Variants in DPYD observed in about 807,000 individuals in gnomAD.
DPYD encodes dihydropyrimidine dehydrogenase, also known as dihydropyrimidine dehydrogenase [NADP(+)].
DPYD carries 109 observed loss-of-function variants against 116.2 expected under a neutral mutation model. The ratio of observed to expected loss-of-function variants is 0.94; its 90% CI spans 0.80 to 1.10. The LOEUF is 1.10. DPYD is among the 50% of genes least tolerant of loss of function. The probability of loss-of-function intolerance (pLI) is 0.00; values close to 1 mark genes in which losing one functional copy is unlikely to be tolerated. For synonymous variants in DPYD, 440 were observed against 432.0 expected, an observed-to-expected ratio of 1.02 and a Z score of -0.23; for missense variants, 1,302 against 1,254.5, an observed-to-expected ratio of 1.04 and a Z score of -0.57.
intron 1 of DPYD, among the ~76,000 whole-genome samples, chr1:97,907,767 T>A (rs933373278): frequency 1.3e-5 from 2 of 151,906 alleles, no homozygotes; most frequent in African/African-American, 4.8e-5. Context: ...ATATCCCAGC[T>A]CCTTTGCAGT....
chr1:97,775,976 AG>A (rs1337256158), intron 3 of DPYD, among the ~76,000 whole-genome samples: 1 of 151,996 alleles, frequency 6.6e-6, no homozygotes, highest in Non-Finnish European at 1.5e-5. Context: ...GGTGCATATT[AG>A]GTGTATATAT....
chr1:97,638,225 T>C (rs1030669464), intron 8 of DPYD, among the ~76,000 whole-genome samples: 1 of 152,114 alleles, frequency 6.6e-6, no homozygotes, highest in African/African-American at 2.4e-5. Context: ...AAACCCTCAC[T>C]GTCAGCTCAG....
intron 5 of DPYD, among the ~76,000 whole-genome samples, chr1:97,703,888 T>C (rs1295111890): frequency 2.0e-5 from 3 of 152,070 alleles, no homozygotes; most frequent in African/African-American, 7.2e-5. Context: ...TCAAAATTAC[T>C]GTGTTTCACA....
At chr1:97,186,834 C>G (rs1043371781) in intron 20 of DPYD, among the ~76,000 whole-genome samples, 2 of 151,800 alleles carry the variant, frequency 1.3e-5, no homozygotes, top group Admixed American at 1.3e-4. Context: ...GGTGACAGAG[C>G]AAGACTGTGT....
At chr1:97,220,274 C>G (rs1169900486) in intron 19 of DPYD, among the ~76,000 whole-genome samples, 1 of 152,106 alleles carries the variant, frequency 6.6e-6, no homozygotes, top group Non-Finnish European at 1.5e-5. Flanking sequence ...AGCGCATTAG[C>G]AAGCACAGGC....
chr1:97,209,115 A>G (rs538104969), intron 19 of DPYD, among the ~76,000 whole-genome samples: 3 of 152,246 alleles, frequency 2.0e-5, no homozygotes, highest in Admixed American at 1.3e-4. Context: ...AAATGACCTG[A>G]CTTTCAATTG....
chr1:97,827,380 G>A (rs1358737298), intron 3 of DPYD, among the ~76,000 whole-genome samples: 1 of 151,952 alleles, frequency 6.6e-6, no homozygotes, highest in Non-Finnish European at 1.5e-5. Flanking sequence ...GAACTTTTAA[G>A]ACTACTAACA....
At chr1:97,719,439 A>G (rs1353377981) in intron 5 of DPYD, among the ~76,000 whole-genome samples, 1 of 151,946 alleles carries the variant, frequency 6.6e-6, no homozygotes, top group East Asian at 1.9e-4. Flanking sequence ...GAAAAAATAG[A>G]TTTGTATTTC....
At chr1:97,352,092 T>C (rs752180933) in intron 16 of DPYD, among the ~76,000 whole-genome samples, 8 of 152,128 alleles carry the variant, frequency 5.3e-5, no homozygotes, top group Non-Finnish European at 1.0e-4. Flanking sequence ...TCTAAAATGA[T>C]GCAGTGAGAT....
At chr1:97,451,171 C>T (rs1048377092) in intron 13 of DPYD, among the ~76,000 whole-genome samples, 1 of 152,000 alleles carries the variant, frequency 6.6e-6, no homozygotes, top group African/African-American at 2.4e-5. Flanking sequence ...AGAACCACCC[C>T]ATATAAAACA....
chr1:97,177,954 T>C (rs1657404463), intron 20 of DPYD, among the ~76,000 whole-genome samples: 1 of 152,068 alleles, frequency 6.6e-6, no homozygotes, highest in Non-Finnish European at 1.5e-5. Flanking sequence ...CTTCACATGG[T>C]GGAAGGGGCA....
chr1:97,225,055 ATCTG>A (rs887652990), intron 19 of DPYD, among the ~76,000 whole-genome samples: 60 of 141,016 alleles, frequency 4.3e-4, no homozygotes, highest in East Asian at 6.2e-4. Flanking sequence ...CTATCTATCT[ATCTG>A]TCTATCATCT....
At chr1:97,293,961 C>T (rs1666369457) in intron 18 of DPYD, among the ~76,000 whole-genome samples, 1 of 151,826 alleles carries the variant, frequency 6.6e-6, no homozygotes, top group South Asian at 2.1e-4. Flanking sequence ...CAAAAAAAAC[C>T]AGTCCAATCA....
intron 16 of DPYD, among the ~76,000 whole-genome samples, chr1:97,313,314 A>G (rs1006663735): frequency 6.6e-6 from 1 of 151,916 alleles, no homozygotes; most frequent in Non-Finnish European, 1.5e-5. Context: ...AACATAATAG[A>G]TAACTGTTTT....
At chr1:97,692,956 A>G (rs1661093047) in intron 6 of DPYD, among the ~76,000 whole-genome samples, 1 of 152,152 alleles carries the variant, frequency 6.6e-6, no homozygotes. Context: ...TTATGCAATT[A>G]ATTTTTATAT....
At chr1:97,139,945 C>T (rs1445438559) in intron 20 of DPYD, among the ~76,000 whole-genome samples, 3 of 152,156 alleles carry the variant, frequency 2.0e-5, no homozygotes, top group South Asian at 2.1e-4. Context: ...GTTCTGTTTC[C>T]GCTACCTCAA....
intron 8 of DPYD, among the ~76,000 whole-genome samples, chr1:97,666,366 C>A (rs1050621932): frequency 6.6e-6 from 1 of 151,918 alleles, no homozygotes; most frequent in South Asian, 2.1e-4. Context: ...GCTATGTTGC[C>A]CAGGCTGGTC....
Position 97,515,900 on chromosome 1 carries a change from G to C in DPYD, c.1566C>G (p.Pro522=). ...CCAGATCAATAGGAGTGTAAAAGAG[G>C]GGTAGTTCAGGCTTGGCAGAAACGG... ...GASVSAKPEL[P]LFYTPIDLVD... is the part of the protein sequence containing the mutation. Residue 522 remains proline, a synonymous_variant, in exon 13 of 23, where the codon CCC becomes CCG. Transcript: ENST00000370192. The C allele has an allele frequency of 6.2e-7, 1 of 1,612,724 alleles. No individual in the cohort carries two copies.
intron 12 of DPYD, among the ~76,000 whole-genome samples, chr1:97,527,240 A>G (rs967570404): frequency 5.9e-5 from 9 of 151,942 alleles, no homozygotes; most frequent in East Asian, 3.9e-4. Flanking sequence ...CACCACGCCC[A>G]GCTAATTTTT....
Sources: allele counts gnomAD v4.1 joint callset (sites outside exome capture counted in the v4.1 genomes callset), GRCh38; gene constraint gnomAD v4.1.1; transcripts MANE v1.5; gene names NCBI Gene and HGNC (gene_info 2026-07-23, HGNC 2026-07-21).